The following LEPR variants were observed in gnomAD, a reference collection of about 807,000 sequenced individuals.
LEPR encodes the protein OB receptor.
A neutral mutation model predicts 114.7 loss-of-function variants in LEPR; 56 were observed. That is an observed-to-expected ratio of 0.49 (90% CI 0.39 to 0.61). LEPR has a LOEUF of 0.61. Among genes scored for constraint, LEPR ranks in the 20% least tolerant of loss-of-function variants. The probability of loss-of-function intolerance (pLI) is 0.00; values close to 1 mark genes in which losing one functional copy is unlikely to be tolerated. For synonymous variants in LEPR, 443 were observed against 461.4 expected, an observed-to-expected ratio of 0.96 and a Z score of 0.51; for missense variants, 1,202 against 1,352.9, an observed-to-expected ratio of 0.89 and a Z score of 1.75.
chr1:65,477,777 C>T (rs923044641), intron 2 of LEPR, among the ~76,000 whole-genome samples: 2 of 152,196 alleles, frequency 1.3e-5, no homozygotes, highest in Non-Finnish European at 2.9e-5. Context: ...GGAATTTGTT[C>T]AGGGCTGTGT....
intron 2 of LEPR, among the ~76,000 whole-genome samples, chr1:65,555,960 A>G (rs143010963): frequency 2.3e-3 from 343 of 152,300 alleles, no homozygotes; most frequent in Middle Eastern, 0.01. Flanking sequence ...GTCAACAGAG[A>G]ATGACTACTA....
intron 16 of LEPR, 152 bp downstream of exon 16, chr1:65,618,298 C>G (rs1171779591): frequency 3.4e-6 from 2 of 580,778 alleles, no homozygotes; most frequent in Non-Finnish European, 5.5e-6. Context: ...TTTATCAAAA[C>G]ATTTAATTCT....
intron 19 of LEPR, among the ~76,000 whole-genome samples, chr1:65,627,742 C>G (rs1440014011): frequency 2.6e-5 from 4 of 152,072 alleles, no homozygotes; most frequent in Non-Finnish European, 4.4e-5. Context: ...ACAAAAAACT[C>G]ACACTATATT....
At chr1:65,533,550 G>A (rs994838947) in intron 2 of LEPR, among the ~76,000 whole-genome samples, 9 of 151,954 alleles carry the variant, frequency 5.9e-5, no homozygotes, top group African/African-American at 1.2e-4. Context: ...GTGAATGTTC[G>A]ATTAAATGTT....
At chr1:65,631,611 C>T (rs1658525349) in intron 19 of LEPR, among the ~76,000 whole-genome samples, 1 of 151,916 alleles carries the variant, frequency 6.6e-6, no homozygotes, top group African/African-American at 2.4e-5. Context: ...TCTATAGAGA[C>T]AAGAGAGAAA....
intron 9 of LEPR, 50 bp from the exon 10 acceptor site, chr1:65,601,793 A>AT: frequency 3.2e-6 from 5 of 1,581,434 alleles, no homozygotes; most frequent in Non-Finnish European, 4.3e-6. Context: ...TTTTCATTGA[A>AT]TTTTTTGGAG....
intron 8 of LEPR, among the ~76,000 whole-genome samples, chr1:65,599,020 A>G (rs1656266305): frequency 6.6e-6 from 1 of 152,160 alleles, no homozygotes; most frequent in Admixed American, 6.6e-5. Context: ...TTGTAGGATC[A>G]CTTTTCCTAT....
intron 2 of LEPR, chr1:65,434,839 CTCCCATTAGTCAGTTCTCTAAG>C: frequency 1.0e-6 from 1 of 985,542 alleles, no homozygotes; most frequent in Non-Finnish European, 1.2e-6. Context: ...CACCCTTCTC[CTCCCATTAGTCAGTTCTCTAAG>C]TACAGCTGAT....
At chr1:65,494,553 G>T (rs1202988644) in intron 2 of LEPR, among the ~76,000 whole-genome samples, 1 of 152,056 alleles carries the variant, frequency 6.6e-6, no homozygotes, top group Non-Finnish European at 1.5e-5. Context: ...ATCACTTAAG[G>T]CAGTTGTCTG....
intron 5 of LEPR, among the ~76,000 whole-genome samples, chr1:65,585,663 G>T (rs990710960): frequency 6.6e-6 from 1 of 151,880 alleles, no homozygotes; most frequent in South Asian, 2.1e-4. Context: ...TTGTATATGT[G>T]TATGTATACT....
chr1:65,426,013 G>A (rs187169522), intron 2 of LEPR, among the ~76,000 whole-genome samples: 1 of 152,182 alleles, frequency 6.6e-6, no homozygotes, highest in Admixed American at 6.5e-5. Context: ...GTGTTTCAGT[G>A]GGGGAGACGG....
intron 2 of LEPR, among the ~76,000 whole-genome samples, chr1:65,487,047 T>C (rs1348099234): frequency 1.3e-5 from 2 of 152,180 alleles, no homozygotes; most frequent in African/African-American, 4.8e-5. Flanking sequence ...AATTCTTGAC[T>C]CATATTCTGC....
intron 2 of LEPR, among the ~76,000 whole-genome samples, chr1:65,482,205 G>T (rs1647263842): frequency 6.6e-6 from 1 of 151,598 alleles, no homozygotes; most frequent in Non-Finnish European, 1.5e-5. Flanking sequence ...TTTATTAAAA[G>T]ATATTAAAAA....
chr1:65,452,564 T>C (rs939082459), intron 2 of LEPR, among the ~76,000 whole-genome samples: 2 of 152,204 alleles, frequency 1.3e-5, no homozygotes, highest in African/African-American at 2.4e-5. Context: ...TGGTTCTATT[T>C]ATATGCTGGA....
intron 2 of LEPR, among the ~76,000 whole-genome samples, chr1:65,552,358 A>T (rs1782760): frequency 0.73 from 111,226 of 152,004 alleles, 41,852 homozygotes; most frequent in Middle Eastern, 0.89. Flanking sequence ...TTTGTAGGTC[A>T]TTAAGAACTT....
At chr1:65,565,400 A>C (rs988013765) in intron 2 of LEPR, 146 bp from the exon 3 acceptor site, 1 of 745,740 alleles carries the variant, frequency 1.3e-6, no homozygotes, top group Non-Finnish European at 2.2e-6. Flanking sequence ...TTTACGTGAG[A>C]TATTTCTCAG....
intron 2 of LEPR, among the ~76,000 whole-genome samples, chr1:65,462,054 C>CGTAG (rs1267559106): frequency 6.6e-6 from 1 of 152,144 alleles, no homozygotes; most frequent in Non-Finnish European, 1.5e-5. Context: ...AGGTTTGTTA[C>CGTAG]GTAGGTATAC....
intron 2 of LEPR, among the ~76,000 whole-genome samples, chr1:65,493,064 A>G (rs1439945210): frequency 6.6e-6 from 1 of 151,730 alleles, no homozygotes; most frequent in South Asian, 2.1e-4. Flanking sequence ...AAATCCTTGC[A>G]GTTTGTTCTG....
Position 65,427,934 on chromosome 1 carries a change from AT to A in LEPR, c.-21+2557del, listed in dbSNP as rs572099470. Reference sequence around the variant, plus strand: ...ATCTTGATAGTGAACCAGGATTATCATCTATATTGGAAGTCAGCAAACTGCC... The same window carrying A: ...ATCTTGATAGTGAACCAGGATTATCACTATATTGGAAGTCAGCAAACTGCC... On this transcript the variant is annotated intron_variant, in intron 2 of 19. Coordinates refer to ENST00000349533, the MANE Select transcript of LEPR (RefSeq NM_002303.6). 1.2e-3 allele frequency: 215 copies of A among 176,624 alleles called. 4 individuals carry two copies. In the South Asian group the frequency reaches 0.015, roughly 12 times the overall value. The allele number at this position is 176,624 out of a possible 1,614,324, so 10.9% of individuals were successfully genotyped here. A position where few individuals can be genotyped will look rare whatever the true frequency, so the allele number is the denominator to read the frequency against.
Sources: allele counts gnomAD v4.1 joint callset (sites outside exome capture counted in the v4.1 genomes callset), GRCh38; gene constraint gnomAD v4.1.1; transcripts MANE v1.5; gene names NCBI Gene and HGNC (gene_info 2026-07-23, HGNC 2026-07-21).